The following ZCWPW2 variants were observed in gnomAD, a reference collection of about 807,000 sequenced individuals.
ZCWPW2 encodes the protein zinc finger CW-type and PWWP domain containing 2.
A neutral mutation model predicts 46.6 loss-of-function variants in ZCWPW2; 45 were observed. That is an observed-to-expected ratio of 0.96 (90% CI 0.76 to 1.24). ZCWPW2 has a LOEUF of 1.24. Ranked by LOEUF, ZCWPW2 falls within the 50% of genes most tolerant of loss-of-function variation. The probability of loss-of-function intolerance (pLI) is 0.00; values close to 1 mark genes in which losing one functional copy is unlikely to be tolerated. For missense variants in ZCWPW2, 429 were observed against 403.9 expected, an observed-to-expected ratio of 1.06 and a Z score of -0.53; for synonymous variants, 152 against 137.1, an observed-to-expected ratio of 1.11 and a Z score of -0.76.
intron 2 of ZCWPW2, among the ~76,000 whole-genome samples, chr3:28,398,697 G>A (rs551180190): frequency 6.6e-6 from 1 of 152,256 alleles, no homozygotes; most frequent in Non-Finnish European, 1.5e-5. Flanking sequence ...TCTAGATTAC[G>A]GGAGGAGATG....
intron 4 of ZCWPW2, among the ~76,000 whole-genome samples, chr3:28,477,835 G>C (rs1322549119): frequency 6.6e-6 from 1 of 152,030 alleles, no homozygotes; most frequent in African/African-American, 2.4e-5. Context: ...AAATGAAAAT[G>C]ATGGCATGCA....
chr3:28,461,858 A>G (rs1698651246), intron 4 of ZCWPW2: 1 of 152,214 alleles, frequency 6.6e-6, no homozygotes, highest in Admixed American at 6.5e-5. Flanking sequence ...AGAGTTAAGA[A>G]GTAGAATACC....
At chr3:28,453,835 T>A (rs912963407) in intron 4 of ZCWPW2, among the ~76,000 whole-genome samples, 12 of 140,184 alleles carry the variant, frequency 8.6e-5, no homozygotes, top group African/African-American at 3.0e-4. Context: ...TTATTTATTT[T>A]TATTTTTTTT....
At chr3:28,440,691 G>A (rs140479624) in intron 4 of ZCWPW2, among the ~76,000 whole-genome samples, 3 of 152,300 alleles carry the variant, frequency 2.0e-5, no homozygotes, top group East Asian at 1.9e-4. Flanking sequence ...CCACTGCCAC[G>A]CTTCTTTAGC....
intron 6 of ZCWPW2, among the ~76,000 whole-genome samples, chr3:28,509,675 G>T (rs77095531): frequency 6.6e-6 from 1 of 151,836 alleles, no homozygotes; most frequent in African/African-American, 2.4e-5. Flanking sequence ...ATTTTAATTG[G>T]CTTATTGTAT....
At chr3:28,361,817 T>G (rs1353091390) in intron 1 of ZCWPW2, among the ~76,000 whole-genome samples, 1 of 152,212 alleles carries the variant, frequency 6.6e-6, no homozygotes, top group East Asian at 1.9e-4. Flanking sequence ...TCAAAAACAA[T>G]GAGCTGTACC....
At chr3:28,474,195 C>G (rs1699142828) in intron 4 of ZCWPW2, among the ~76,000 whole-genome samples, 1 of 152,006 alleles carries the variant, frequency 6.6e-6, no homozygotes, top group South Asian at 2.1e-4. Context: ...GAAAGATTGG[C>G]AAAGATGTCA....
chr3:28,417,444 G>A lies in ZCWPW2; in HGVS notation c.332+4044G>A, dbSNP rs561329520. On this transcript the variant is annotated intron_variant, in intron 3 of 9. Transcript: ENST00000383768. ...AGAATTCTACCAGAGGTACAAGGAG[G>A]ACCTGGTACCATTCCTTTTGAAACT... Among the ~76,000 whole-genome samples, 3 of 152,170 alleles carry A rather than the reference G, an allele frequency of 2.0e-5. No homozygotes were observed. The East Asian group carries it at 5.8e-4, about 29-fold the overall frequency.
intron 5 of ZCWPW2, among the ~76,000 whole-genome samples, chr3:28,491,243 T>C (rs1699802417): frequency 6.6e-6 from 1 of 152,074 alleles, no homozygotes; most frequent in Non-Finnish European, 1.5e-5. Flanking sequence ...TACAGCTGGA[T>C]ATAGGAAAGA....
chr3:28,370,137 C>G (rs1402383139), intron 1 of ZCWPW2, among the ~76,000 whole-genome samples: 1 of 152,200 alleles, frequency 6.6e-6, no homozygotes, highest in Non-Finnish European at 1.5e-5. Context: ...TGCTTTGGCT[C>G]ATGCTTGGTG....
At chr3:28,375,760 T>A (rs1256735833) in intron 1 of ZCWPW2, among the ~76,000 whole-genome samples, 1 of 151,792 alleles carries the variant, frequency 6.6e-6, no homozygotes, top group African/African-American at 2.4e-5. Flanking sequence ...TTGTGCTCAT[T>A]AACTGTCCAC....
intron 8 of ZCWPW2, among the ~76,000 whole-genome samples, chr3:28,519,487 C>A (rs916035302): frequency 1.2e-4 from 18 of 152,028 alleles, no homozygotes; most frequent in African/African-American, 4.3e-4. Context: ...GTAATGACAA[C>A]CAAGAAAGGG....
In ZCWPW2 at chr3:28,524,629, T is replaced by G; in HGVS notation, c.1012T>G (p.Cys338Gly). Reference sequence around the variant, plus strand: ...TGGGATAAAATTAAAAGCTGGAGAATGTATTGAGGATATAACTAATAAATT... The same window carrying G: ...TGGGATAAAATTAAAAGCTGGAGAAGGTATTGAGGATATAACTAATAAATT... ...IDGIKLKAGE[C>G]IEDITNKFKE... Residue 338 changes from cysteine to glycine, a missense_variant, in exon 10 of 10, where the codon TGT becomes GGT. Coordinates refer to ENST00000383768, the MANE Select transcript of ZCWPW2 (RefSeq NM_001040432.4). 1 of 1,605,540 alleles carries G rather than the reference T, an allele frequency of 6.2e-7. No homozygotes were observed. The highest frequency in any genetic ancestry group is 1.7e-5 in the Admixed American group (1 of 59,034).
intron 1 of ZCWPW2, among the ~76,000 whole-genome samples, chr3:28,360,455 G>A (rs961401183): frequency 7.3e-5 from 11 of 151,072 alleles, no homozygotes; most frequent in Non-Finnish European, 1.0e-4. Flanking sequence ...CCCAGGAGGC[G>A]GAGCTTGCAG....
chr3:28,486,967 T>G (rs551098524), intron 5 of ZCWPW2, among the ~76,000 whole-genome samples: 2 of 152,140 alleles, frequency 1.3e-5, no homozygotes, highest in Non-Finnish European at 2.9e-5. Context: ...ATTGCATGGT[T>G]TTTGAGGAAA....
At chr3:28,490,998 T>C (rs1403012253) in intron 5 of ZCWPW2, among the ~76,000 whole-genome samples, 3 of 152,174 alleles carry the variant, frequency 2.0e-5, no homozygotes, top group Non-Finnish European at 4.4e-5. Context: ...GAACACTTAC[T>C]GCATATAAAA....
At chr3:28,368,457 T>A (rs1426393610) in intron 1 of ZCWPW2, among the ~76,000 whole-genome samples, 1 of 152,222 alleles carries the variant, frequency 6.6e-6, no homozygotes. Context: ...GGTTGAAATT[T>A]CTTTTCTTTA....
At chr3:28,420,128 C>G (rs952782330) in intron 3 of ZCWPW2, among the ~76,000 whole-genome samples, 2 of 150,172 alleles carry the variant, frequency 1.3e-5, no homozygotes, top group African/African-American at 4.9e-5. Context: ...GTTTTTGTGT[C>G]TGTATTTCCT....
In ZCWPW2 at chr3:28,413,393, T is replaced by C. The variant is rs767111967; in HGVS notation, c.325T>C (p.Trp109Arg). 1.2e-6 allele frequency: 2 copies of C among 1,606,682 alleles called. No individual in the cohort carries two copies. The highest frequency in any genetic ancestry group is 1.7e-6 in the Non-Finnish European group (2 of 1,174,712). Reference sequence around the variant, plus strand: ...CCTGGTTTTGGTAAAATTACAGAATTGGCCAAGGTAAGGTTTGTGTAGTTT... The same window carrying C: ...CCTGGTTTTGGTAAAATTACAGAATCGGCCAAGGTAAGGTTTGTGTAGTTT... ...GSLVLVKLQN[W>R]PSWPGILCPD... Residue 109 changes from tryptophan to arginine, a missense_variant, in exon 3 of 10, where the codon TGG (tryptophan) becomes CGG (arginine). Coordinates refer to ENST00000383768, the MANE Select transcript of ZCWPW2 (RefSeq NM_001040432.4).
Sources: allele counts gnomAD v4.1 joint callset (sites outside exome capture counted in the v4.1 genomes callset), GRCh38; gene constraint gnomAD v4.1.1; transcripts MANE v1.5; gene names NCBI Gene and HGNC (gene_info 2026-07-23, HGNC 2026-07-21).